Variants in TAC3 observed in about 807,000 individuals in gnomAD.
TAC3 encodes the protein tachykinin precursor 3.
TAC3 carries 9 observed loss-of-function variants against 16.5 expected under a neutral mutation model. That is an observed-to-expected ratio of 0.55 (90% CI 0.33 to 0.95). The LOEUF is 0.95. Among genes scored for constraint, TAC3 ranks in the 40% least tolerant of loss-of-function variants. The pLI is 0.03. For synonymous variants in TAC3, 52 were observed against 56.7 expected (o/e 0.92, Z 0.37); for missense variants, 129 against 149.1 (o/e 0.87, Z 0.70).
At chr12:57,013,244 TG>T in intron 4 of TAC3, 114 bp downstream of exon 4, 2 of 1,316,712 alleles carry the variant, frequency 1.5e-6, no homozygotes, top group South Asian at 1.2e-5. Flanking sequence ...CAGTGGGAGC[TG>T]GCATATTGTT....
At chr12:57,013,241 AG>A in intron 4 of TAC3, 117 bp downstream of exon 4, 3 of 1,297,250 alleles carry the variant, frequency 2.3e-6, no homozygotes, top group Non-Finnish European at 3.4e-6. Flanking sequence ...GAGCAGTGGG[AG>A]CTGGCATATT....
Position 57,013,166 on chromosome 12 carries a change from C to T in TAC3, c.238+193G>A. On this transcript the variant is annotated intron_variant, in intron 4 of 6. Transcript: ENST00000458521. ...GACCAGCCAGCAGAGGGAGAGCCCA[C>T]CATGCCCCTCACACCAGCTTCCTCC... The T allele has an allele frequency of 7.9e-6, 6 of 763,916 alleles. No individual in the cohort carries two copies. The South Asian group carries it at 9.9e-5, about 13-fold the overall frequency. 47.3% of individuals were successfully genotyped at this position (763,916 alleles called of 1,614,324 possible). A position where few individuals can be genotyped will look rare whatever the true frequency, so the allele number is the denominator to read the frequency against.
chr12:57,016,233 C>T (rs1373315151), intron 1 of TAC3, among the ~76,000 whole-genome samples, 154 bp downstream of exon 1: 1 of 152,212 alleles, frequency 6.6e-6, no homozygotes, highest in Non-Finnish European at 1.5e-5. Context: ...GCTCCAAACA[C>T]CAACCAGCTC....
At chr12:57,015,905 C>A in intron 1 of TAC3, 103 bp from the exon 2 acceptor site, 1 of 970,022 alleles carries the variant, frequency 1.0e-6, no homozygotes, top group Non-Finnish European at 1.6e-6. Flanking sequence ...TGGCTTGACC[C>A]TGCTTCCCCA....
intron 2 of TAC3, among the ~76,000 whole-genome samples, chr12:57,014,020 C>G (rs1398216428): frequency 6.6e-6 from 1 of 152,164 alleles, no homozygotes; most frequent in Non-Finnish European, 1.5e-5. Context: ...TGCACGATGT[C>G]CATGGATGTT....
In TAC3 at chr12:57,012,458, G is replaced by A. The variant is rs763641944; in HGVS notation, c.293-6C>T. 5.6e-6 allele frequency: 9 copies of A among 1,614,062 alleles called. No individual in the cohort carries two copies. The highest frequency in any genetic ancestry group is 7.6e-6 in the Non-Finnish European group (9 of 1,180,000). On this transcript the variant is annotated splice_polypyrimidine_tract_variant and splice_region_variant and intron_variant, in intron 5 of 6. Coordinates refer to ENST00000458521, the MANE Select transcript of TAC3 (RefSeq NM_013251.4). ...ATTCACATCCGTAGGAGAGTCTAGG[G>A]TAAAGCGAACAGTGTAAGTAAGAGG...
intron 2 of TAC3, among the ~76,000 whole-genome samples, chr12:57,014,705 G>GTTT (rs58661415): frequency 1.4e-4 from 21 of 146,968 alleles, no homozygotes; most frequent in African/African-American, 5.2e-4. Context: ...TCCCCTGGGT[G>GTTT]TTTTTTTTTT....
chr12:57,014,257 C>T (rs1276215984), intron 2 of TAC3, among the ~76,000 whole-genome samples: 2 of 150,936 alleles, frequency 1.3e-5, no homozygotes, highest in African/African-American at 2.4e-5. Flanking sequence ...AACTTGCGTA[C>T]AGCAGGGTGG....
chr12:57,012,262 A>G, intron 6 of TAC3, 116 bp downstream of exon 6: 1 of 989,792 alleles, frequency 1.0e-6, no homozygotes, highest in Non-Finnish European at 1.6e-6. Context: ...TTGGCAGTGT[A>G]TTTCAGGGCA....
Position 57,015,667 on chromosome 12 carries a change from T to C in TAC3, c.114+17A>G. 6.2e-7 allele frequency: 1 copy of C among 1,605,994 alleles called. No individual in the cohort carries two copies. The highest frequency in any genetic ancestry group is 8.5e-7 in the Non-Finnish European group (1 of 1,173,652). ...AGTTCCCGTGATGTCCCCAGTACTC[T>C]GCCAGGGGAGACTTACCTTGCTGCG... is the stretch of plus-strand genomic sequence containing the variant. On this transcript the variant is annotated intron_variant, in intron 2 of 6. Transcript: ENST00000458521.
chr12:57,013,300 A>G (rs1376945887), intron 4 of TAC3, 59 bp downstream of exon 4: 1 of 1,595,680 alleles, frequency 6.3e-7, no homozygotes, highest in Non-Finnish European at 8.6e-7. Flanking sequence ...CCTGGGCCCA[A>G]TGCCCCACAG....
chr12:57,012,818 C>G lies in TAC3; in HGVS notation c.292+4G>C. 2 of 1,614,150 alleles carry G rather than the reference C, an allele frequency of 1.2e-6. No individual in the cohort carries two copies. The highest frequency in any genetic ancestry group is 4.5e-5 in the East Asian group (2 of 44,876). ...CCTTCCACTGTACCTCCACACACTC[C>G]TACCTGGCTGGACGCTCCTCTTGCC... On this transcript the variant is annotated splice_donor_region_variant and intron_variant, in intron 5 of 6. Transcript: ENST00000458521.
Position 57,012,456 on chromosome 12 carries a change from G to C in TAC3, c.293-4C>G, listed in dbSNP as rs1956313575. The C allele has an allele frequency of 1.2e-6, 2 of 1,613,898 alleles. No individual in the cohort carries two copies. Among genetic ancestry groups the C allele is most frequent in the South Asian group, 2.2e-5 (2 of 91,064 alleles). The stretch of plus-strand genomic sequence containing the variant: ...TGATTCACATCCGTAGGAGAGTCTA[G>C]GGTAAAGCGAACAGTGTAAGTAAGA... On this transcript the variant is annotated splice_polypyrimidine_tract_variant and splice_region_variant and intron_variant, in intron 5 of 6. Transcript: ENST00000458521.
At chr12:57,010,901 G>A (rs934041871) in intron 6 of TAC3, 1 of 152,240 alleles carries the variant, frequency 6.6e-6, no homozygotes, top group Non-Finnish European at 1.5e-5. Flanking sequence ...CCCTCTGAAA[G>A]AGCCTGGATG....
chr12:57,011,451 G>A (rs898727684), intron 6 of TAC3, among the ~76,000 whole-genome samples: 2 of 152,220 alleles, frequency 1.3e-5, no homozygotes, highest in Non-Finnish European at 2.9e-5. Flanking sequence ...GGAAGACAGT[G>A]TCAAGGCGGA....
intron 6 of TAC3, among the ~76,000 whole-genome samples, chr12:57,011,739 G>A (rs1956300506): frequency 6.6e-6 from 1 of 152,222 alleles, no homozygotes; most frequent in South Asian, 2.1e-4. Flanking sequence ...TGAGGAAACT[G>A]AAGCACAGGA....
chr12:57,016,313 T>C (rs1956373950), intron 1 of TAC3, 74 bp downstream of exon 1: 1 of 379,430 alleles, frequency 2.6e-6, no homozygotes, highest in Admixed American at 3.0e-5. Flanking sequence ...GCCATCTGCT[T>C]TATTCCCTCC....
chr12:57,013,961 T>A (rs1956339838), intron 2 of TAC3, among the ~76,000 whole-genome samples: 1 of 152,192 alleles, frequency 6.6e-6, no homozygotes, highest in Non-Finnish European at 1.5e-5. Context: ...GTGATTCACA[T>A]GCATGGTGAG....
Position 57,015,752 on chromosome 12 carries a change from CTA to C in TAC3, c.44_45del (p.Leu15ArgfsTer9). Reference protein sequence around the residue: ...LLFTAILAFSLAQSFGAVCKE... With the variant: ...LLFTAILAFSXAQSFGAVCKE... ...TTACAGACAGCCCCAAAGCTCTGAG[CTA>C]GGCTGAAGGCCAGGATGGCTGTGAA... On this transcript the variant is annotated frameshift_variant, in exon 2 of 7. Coordinates refer to ENST00000458521, the MANE Select transcript of TAC3 (RefSeq NM_013251.4). LOFTEE classifies it high-confidence loss of function. 1 of 1,614,170 alleles carries C rather than the reference CTA, an allele frequency of 6.2e-7. No individual in the cohort carries two copies. The highest frequency in any genetic ancestry group is 1.1e-5 in the South Asian group (1 of 91,086).
Sources: allele counts gnomAD v4.1 joint callset (sites outside exome capture counted in the v4.1 genomes callset), GRCh38; gene constraint gnomAD v4.1.1; transcripts MANE v1.5; gene names NCBI Gene and HGNC (gene_info 2026-07-23, HGNC 2026-07-21).